SLC23A1: variants seen among roughly 807,000 people sequenced by gnomAD.
SLC23A1 encodes solute carrier family 23 member 1, also known as Na(+)/L-ascorbic acid transporter 1.
SLC23A1 carries 31 observed loss-of-function variants against 62.5 expected under a neutral mutation model. The ratio of observed to expected loss-of-function variants is 0.50; its 90% CI spans 0.37 to 0.67. SLC23A1 has a LOEUF of 0.67. Ranked by LOEUF, SLC23A1 falls within the 30% of genes least tolerant of loss-of-function variation. SLC23A1 has a pLI of 0.00. For synonymous variants in SLC23A1, 271 were observed against 313.2 expected (o/e 0.87, Z 1.42); for missense variants, 640 against 782.7 (o/e 0.82, Z 2.18).
upstream of SLC23A1, chr5:139,384,532 T>G (rs1231517021): frequency 7.8e-7 from 1 of 1,289,382 alleles, no homozygotes; most frequent in East Asian, 5.5e-5. Context: ...GCTCCCAATT[T>G]CCAAAGTTGC....
chr5:139,371,007 G>A (rs1415106203), intron 14 of SLC23A1, among the ~76,000 whole-genome samples: 1 of 152,038 alleles, frequency 6.6e-6, no homozygotes, highest in Admixed American at 6.5e-5. Flanking sequence ...GCTTGAACCC[G>A]GGAGGTGGAG....
intron 3 of SLC23A1, among the ~76,000 whole-genome samples, chr5:139,381,374 C>A (rs1021495399): frequency 5.9e-5 from 9 of 152,314 alleles, no homozygotes; most frequent in Admixed American, 5.2e-4. Context: ...GGAGAGCCGG[C>A]TAGGCTTGGT....
Position 139,378,761 on chromosome 5 carries a change from C to G in SLC23A1, c.1074-77G>C. 1 of 1,126,312 alleles carries G rather than the reference C, an allele frequency of 8.9e-7. No individual in the cohort carries two copies. The highest frequency in any genetic ancestry group is 1.3e-5 in the South Asian group (1 of 75,088). The allele number at this position is 1,126,312 out of a possible 1,614,324, so 69.8% of individuals were successfully genotyped here. ...GTTCCCCCATCATCTTAGCAAGCTG[C>G]CGTCCTCTGGGGCTGTGGGGGCTGC... On this transcript the variant is annotated intron_variant, in intron 9 of 14. Coordinates refer to ENST00000348729, the MANE Select transcript of SLC23A1 (RefSeq NM_005847.5). The surrounding 1 kb of genome is among the most constrained non-coding windows in gnomAD (Gnocchi z 4.5).
intron 14 of SLC23A1, chr5:139,368,942 A>G (rs1490877863): frequency 1.7e-6 from 1 of 602,614 alleles, no homozygotes. Context: ...ATGCTTAATA[A>G]AAGTGCTGAG....
chr5:139,378,363 C>A lies in SLC23A1; in HGVS notation c.1180-12G>T. The A allele has an allele frequency of 6.4e-7, 1 of 1,555,464 alleles. No homozygotes were observed. Among genetic ancestry groups the A allele is most frequent in the East Asian group, 2.4e-5 (1 of 41,514 alleles). ...CGCCGGCTGCCCACCTGCCGGGGAG[C>A]CAGCGGGGAAGCTAGACCTGGGGAC... On this transcript the variant is annotated splice_polypyrimidine_tract_variant and intron_variant, in intron 10 of 14. Coordinates refer to ENST00000348729, the MANE Select transcript of SLC23A1 (RefSeq NM_005847.5). This position sits in a 1 kb window ranked among gnomAD's most constrained non-coding sequence, Gnocchi z 4.5.
intron 3 of SLC23A1, among the ~76,000 whole-genome samples, chr5:139,381,519 G>A (rs891020713): frequency 2.0e-5 from 3 of 151,482 alleles, no homozygotes; most frequent in Non-Finnish European, 2.9e-5. Context: ...GCTTGAACGC[G>A]GGAGAATCGC....
chr5:139,370,038 A>G (rs1010132312), intron 14 of SLC23A1, among the ~76,000 whole-genome samples: 1 of 152,202 alleles, frequency 6.6e-6, no homozygotes, highest in African/African-American at 2.4e-5. Flanking sequence ...GTTCTTCACA[A>G]GGGCTTTTTT....
chr5:139,376,903 C>T (rs1041137461), intron 13 of SLC23A1, among the ~76,000 whole-genome samples: 20 of 152,262 alleles, frequency 1.3e-4, no homozygotes, highest in African/African-American at 4.6e-4. Context: ...GAGCGTATCA[C>T]TTGAGGTCAG....
At chr5:139,380,767 TC>T in intron 4 of SLC23A1, 30 bp downstream of exon 4, 1 of 1,498,748 alleles carries the variant, frequency 6.7e-7, no homozygotes, top group Non-Finnish European at 9.2e-7. Context: ...CCTCCCCTTT[TC>T]CCCAGTGCAG....
chr5:139,381,537 C>T (rs1415411948), intron 3 of SLC23A1, among the ~76,000 whole-genome samples: 1 of 142,082 alleles, frequency 7.0e-6, no homozygotes, highest in Non-Finnish European at 1.5e-5. Context: ...CGCTTGAACC[C>T]GGGAGGTGGT....
intron 1 of SLC23A1, 102 bp downstream of exon 1, chr5:139,383,116 A>C: frequency 1.3e-6 from 1 of 768,260 alleles, no homozygotes; most frequent in Non-Finnish European, 2.0e-6. Flanking sequence ...TATCAAGTTC[A>C]TCAGAACGTT....
At position 139,378,647 on chromosome 5, in the gene SLC23A1, C is replaced by T; in HGVS notation, c.1111G>A (p.Gly371Arg). ...GACCCGTTGCCCGTGCCCAATAGCC[C>T]CGCGATGATGCAGCAAATGCCTTCG... Reference protein sequence around the residue: ...FTEGICCIIAGLLGTGNGSTS... With the variant: ...FTEGICCIIARLLGTGNGSTS... The change falls in exon 10 of 15, where the codon GGG (glycine) becomes AGG (arginine). Residue 371 changes from glycine to arginine, a missense_variant. Coordinates refer to ENST00000348729, the MANE Select transcript of SLC23A1 (RefSeq NM_005847.5). This position sits in a 1 kb window ranked among gnomAD's most constrained non-coding sequence, Gnocchi z 4.5. The T allele has an allele frequency of 1.2e-6, 2 of 1,612,272 alleles. No individual in the cohort carries two copies. The highest frequency in any genetic ancestry group is 8.5e-7 in the Non-Finnish European group (1 of 1,179,308).
chr5:139,378,533 G>A lies in SLC23A1; in HGVS notation c.1179+46C>T, dbSNP rs1758066235. On this transcript the variant is annotated intron_variant, in intron 10 of 14. Coordinates refer to ENST00000348729, the MANE Select transcript of SLC23A1 (RefSeq NM_005847.5). The surrounding 1 kb of genome is among the most constrained non-coding windows in gnomAD (Gnocchi z 4.5). ...GGGACCGAGTTGGGGCGGGGCCTGC[G>A]GCCCACGGAATTAGGGCAGGATTTG... is the stretch of plus-strand genomic sequence containing the variant. The A allele has an allele frequency of 6.8e-7, 1 of 1,467,404 alleles. No homozygotes were observed. Among genetic ancestry groups the A allele is most frequent in the Non-Finnish European group, 9.3e-7 (1 of 1,080,478 alleles). 90.9% of individuals were successfully genotyped at this position (1,467,404 alleles called of 1,614,324 possible). A position where few individuals can be genotyped will look rare whatever the true frequency, so the allele number is the denominator to read the frequency against.
At chr5:139,371,076 T>G (rs1263662356) in intron 14 of SLC23A1, among the ~76,000 whole-genome samples, 18 of 151,882 alleles carry the variant, frequency 1.2e-4, no homozygotes, top group Admixed American at 1.2e-3. Context: ...AGCAAGACTC[T>G]GTCTCAAAAA....
In SLC23A1 at chr5:139,372,157, C is replaced by T. The variant is rs1757703804; in HGVS notation, c.1646G>A (p.Gly549Glu). The T allele has an allele frequency of 6.2e-7, 1 of 1,613,212 alleles. No homozygotes were observed. The highest frequency in any genetic ancestry group is 8.5e-7 in the Non-Finnish European group (1 of 1,179,156). Residue 549 changes from glycine (G) to glutamate (E), a missense_variant, in exon 14 of 15, where the codon GGG becomes GAG. By Grantham distance (98) the Gly-to-Glu change is moderately conservative (BLOSUM62 -2). Transcript: ENST00000348729. ...SSLKSYDFPI[G>E]MGIVKRITFL... Reference sequence around the variant, plus strand: ...GGTAATTCTTTTTACTATGCCCATCCCAATGGGGAAATCGTAGCTCTTGAG... The same window carrying T: ...GGTAATTCTTTTTACTATGCCCATCTCAATGGGGAAATCGTAGCTCTTGAG...
upstream of SLC23A1, chr5:139,383,464 G>A: frequency 1.2e-6 from 1 of 843,662 alleles, no homozygotes; most frequent in Non-Finnish European, 1.4e-6. Flanking sequence ...TCTGCCACAT[G>A]TGCCCTTCCC....
chr5:139,376,435 TGG>T (rs1173318711), intron 13 of SLC23A1, among the ~76,000 whole-genome samples: 2 of 152,178 alleles, frequency 1.3e-5, no homozygotes, highest in East Asian at 3.9e-4. Context: ...CCCAAAGTGA[TGG>T]GATTACAGGC....
In SLC23A1 at chr5:139,378,673, G is replaced by A. The variant is rs780325266; in HGVS notation, c.1085C>T (p.Thr362Ile). The A allele has an allele frequency of 3.0e-5, 49 of 1,608,594 alleles. No individual in the cohort carries two copies. The highest frequency in any genetic ancestry group is 1.1e-5 in the South Asian group (1 of 89,854). ...CGCGATGATGCAGCAAATGCCTTCG[G>A]TGAAGATGCCCCTGTAAGGAAAGGG... ...PVHAINRGIFTEGICCIIAGL... is the reference protein window; with the variant it reads ...PVHAINRGIFIEGICCIIAGL... The change falls in exon 10 of 15, where the codon ACC (threonine) becomes ATC (isoleucine). Residue 362 changes from threonine (T) to isoleucine (I), a missense_variant. Thr to Ile is a moderately conservative substitution (Grantham distance 89). Transcript: ENST00000348729. The surrounding 1 kb of genome is among the most constrained non-coding windows in gnomAD (Gnocchi z 4.5).
intron 14 of SLC23A1, among the ~76,000 whole-genome samples, chr5:139,370,423 G>A (rs952903938): frequency 2.0e-5 from 3 of 151,880 alleles, no homozygotes; most frequent in South Asian, 2.1e-4. Flanking sequence ...CACCTGCCTC[G>A]GCCTCCCAAA....
Sources: gnomAD v4.1 joint callset for allele counts (sites outside exome capture counted in the v4.1 genomes callset) on GRCh38, gnomAD v4.1.1 for gene constraint, Gnocchi (gnomAD v3.1) non-coding constraint, MANE v1.5 for transcripts, NCBI Gene and HGNC (gene_info 2026-07-23, HGNC 2026-07-21) for gene names.